The following POLA1 variants were observed in gnomAD, a reference collection of about 807,000 sequenced individuals.
POLA1 encodes DNA polymerase alpha 1, catalytic subunit, also known as DNA polymerase alpha catalytic subunit.
Under a neutral mutation model 124.0 loss-of-function variants are expected in POLA1, and 15 were observed. That is an observed-to-expected ratio of 0.12 (90% CI 0.08 to 0.19). The LOEUF (loss-of-function observed/expected upper bound fraction) is 0.19. Ranked by LOEUF, POLA1 falls within the 10% of genes least tolerant of loss-of-function variation. The pLI is 1.00. For missense variants in POLA1, 886 were observed against 1,103.4 expected, an observed-to-expected ratio of 0.80 and a Z score of 2.79; for synonymous variants, 408 against 389.4, an observed-to-expected ratio of 1.05 and a Z score of -0.56.
chrX:24,706,208 C>T (rs1928792484), intron 4 of POLA1, among the ~76,000 whole-genome samples: 1 of 111,803 alleles, frequency 8.9e-6, no homozygotes, highest in Non-Finnish European at 1.9e-5. Flanking sequence ...ATCATTTTTC[C>T]TTTTTATGTT....
At chrX:24,859,114 AATT>A (rs1414802611) in intron 34 of POLA1, among the ~76,000 whole-genome samples, 2 of 111,240 alleles carry the variant, frequency 1.8e-5, no homozygotes, top group Admixed American at 9.6e-5. Flanking sequence ...GCTTTAATTC[AATT>A]CCTGGTCATC....
intron 36 of POLA1, among the ~76,000 whole-genome samples, chrX:24,971,931 GATTTTATTTTATTTTATTTT>G (rs61464840): frequency 1.4e-4 from 12 of 86,903 alleles, no homozygotes; most frequent in African/African-American, 1.8e-4. Context: ...GGATGTGGAA[GATTTTATTTTATTTTATTTT>G]ATTTTATTTT....
chrX:24,824,187 G>A (rs1402974541), intron 31 of POLA1, among the ~76,000 whole-genome samples: 2 of 111,991 alleles, frequency 1.8e-5, no homozygotes, highest in Admixed American at 1.9e-4. Flanking sequence ...ACTTGAAGAA[G>A]ACCAGCGTTG....
chrX:24,993,758 C>G (rs2048564099), intron 36 of POLA1, among the ~76,000 whole-genome samples: 1 of 111,752 alleles, frequency 8.9e-6, no homozygotes, highest in African/African-American at 3.3e-5. Flanking sequence ...ATTAAATTCT[C>G]TTTGGGGAAG....
intron 6 of POLA1, among the ~76,000 whole-genome samples, chrX:24,716,146 G>A (rs1929815155): frequency 1.9e-5 from 2 of 105,795 alleles, no homozygotes; most frequent in Admixed American, 2.1e-4. Flanking sequence ...AAAAAATTTG[G>A]GAGGGGGTAG....
At chrX:24,742,865 G>A (rs183504403) in intron 22 of POLA1, among the ~76,000 whole-genome samples, 332 of 111,659 alleles carry the variant, frequency 3.0e-3, no homozygotes, top group Middle Eastern at 0.019. Flanking sequence ...TTTACATCAC[G>A]AATGTTAGAG....
intron 36 of POLA1, among the ~76,000 whole-genome samples, chrX:24,932,278 A>G (rs185767651): frequency 9.8e-5 from 11 of 112,484 alleles, no homozygotes; most frequent in African/African-American, 2.9e-4. Flanking sequence ...CCTCTTCCCT[A>G]TACGGCTCTA....
chrX:24,713,479 C>T (rs751727207), intron 4 of POLA1, among the ~76,000 whole-genome samples: 1 of 110,449 alleles, frequency 9.1e-6, no homozygotes, highest in African/African-American at 3.3e-5. Flanking sequence ...TGCAGTGGCG[C>T]GATCCCAGCT....
chrX:24,698,727 C>T (rs1403134911), intron 1 of POLA1, among the ~76,000 whole-genome samples: 1 of 111,369 alleles, frequency 9.0e-6, no homozygotes, highest in South Asian at 3.8e-4. Flanking sequence ...GATCTCAGCT[C>T]GCTGCAGCCT....
intron 34 of POLA1, among the ~76,000 whole-genome samples, chrX:24,877,963 C>G (rs745500904): frequency 2.9e-5 from 3 of 101,760 alleles, no homozygotes; most frequent in Non-Finnish European, 2.0e-5. Context: ...AATCAATTCT[C>G]AAAACTTTTG....
At chrX:24,848,880 C>G (rs1410362853) in intron 34 of POLA1, among the ~76,000 whole-genome samples, 1 of 112,572 alleles carries the variant, frequency 8.9e-6, no homozygotes, top group Non-Finnish European at 1.9e-5. Context: ...CTCAACAGAG[C>G]TATCTTGTGC....
intron 36 of POLA1, among the ~76,000 whole-genome samples, chrX:24,995,371 G>A (rs2048592032): frequency 8.9e-6 from 1 of 112,246 alleles, no homozygotes; most frequent in East Asian, 2.8e-4. Context: ...AGGCCCAGCT[G>A]ATCTGGGGAG....
chrX:24,930,398 C>G, intron 35 of POLA1, 55 bp from the exon 36 acceptor site: 2 of 770,834 alleles, frequency 2.6e-6, no homozygotes, highest in Non-Finnish European at 4.0e-6. Flanking sequence ...AGAGTGATCC[C>G]CATCGCTTCC....
chrX:24,988,986 G>C (rs759214464), intron 36 of POLA1, among the ~76,000 whole-genome samples: 3 of 111,652 alleles, frequency 2.7e-5, no homozygotes, highest in Non-Finnish European at 3.8e-5. Flanking sequence ...AAATAGATTA[G>C]AAATGGTATG....
intron 34 of POLA1, among the ~76,000 whole-genome samples, chrX:24,856,171 A>G (rs2046642658): frequency 8.9e-6 from 1 of 111,742 alleles, no homozygotes; most frequent in African/African-American, 3.3e-5. Context: ...AAATAGTCCT[A>G]TAAAACTCCC....
rs192366920 is a variant in POLA1 at position 24,982,074 on chromosome X, T to A, written c.4262-13731T>A. Reference sequence around the variant, plus strand: ...GGTTCCCCCTTCTCAGGTCCCTTTTTTTTTTCCCTCAAGGCATTTAGTGTC... The same window carrying A: ...GGTTCCCCCTTCTCAGGTCCCTTTTATTTTTCCCTCAAGGCATTTAGTGTC... On this transcript the variant is annotated intron_variant, in intron 36 of 36. Coordinates refer to ENST00000379068, the MANE Select transcript of POLA1 (RefSeq NM_001330360.2). Among the ~76,000 whole-genome samples, 441 of 110,242 alleles carry A rather than the reference T, an allele frequency of 4.0e-3. 5 individuals carry two copies. The highest frequency in any genetic ancestry group is 0.013 in the African/African-American group (408 of 30,272).
chrX:24,940,064 G>A (rs1172015925), intron 36 of POLA1, among the ~76,000 whole-genome samples: 1 of 111,682 alleles, frequency 9.0e-6, no homozygotes, highest in Admixed American at 9.5e-5. Flanking sequence ...TAAGATATGA[G>A]CAAACGTATC....
intron 34 of POLA1, among the ~76,000 whole-genome samples, chrX:24,854,461 C>T (rs1271018178): frequency 1.8e-5 from 2 of 111,803 alleles, no homozygotes; most frequent in Non-Finnish European, 3.8e-5. Context: ...ATAATATCAT[C>T]GTAATATTAT....
At chrX:24,745,751 C>T (rs1336467595) in intron 24 of POLA1, among the ~76,000 whole-genome samples, 1 of 111,731 alleles carries the variant, frequency 9.0e-6, no homozygotes, top group African/African-American at 3.3e-5. Context: ...TTCATTATTC[C>T]CCAAAGAAAC....
Sources: gnomAD v4.1 joint callset for allele counts (sites outside exome capture counted in the v4.1 genomes callset) on GRCh38, gnomAD v4.1.1 for gene constraint, MANE v1.5 for transcripts, NCBI Gene and HGNC (gene_info 2026-07-23, HGNC 2026-07-21) for gene names.